The following PLEKHA2 variants were observed in gnomAD, a reference collection of about 807,000 sequenced individuals.
The protein encoded by PLEKHA2 is pleckstrin homology domain-containing family A member 2.
PLEKHA2 carries 28 observed loss-of-function variants against 53.2 expected under a neutral mutation model. The observed-to-expected ratio is 0.53, with a 90% CI of 0.39 to 0.72. PLEKHA2 has a LOEUF of 0.72. PLEKHA2 is among the 30% of genes least tolerant of loss of function. The probability of loss-of-function intolerance (pLI) is 0.00; values close to 1 mark genes in which losing one functional copy is unlikely to be tolerated. For missense variants in PLEKHA2, 426 were observed against 537.9 expected (o/e 0.79, Z 2.06); for synonymous variants, 193 against 196.4 (o/e 0.98, Z 0.14).
chr8:38,934,498 A>G (rs1408538321), intron 2 of PLEKHA2, among the ~76,000 whole-genome samples: 1 of 152,000 alleles, frequency 6.6e-6, no homozygotes, highest in Non-Finnish European at 1.5e-5. Flanking sequence ...GCTTTTGGCA[A>G]CAATTTAAGA....
intron 9 of PLEKHA2, among the ~76,000 whole-genome samples, chr8:38,957,052 G>T (rs915207450): frequency 2.0e-5 from 3 of 152,160 alleles, no homozygotes; most frequent in African/African-American, 7.2e-5. Flanking sequence ...AGGAGGTTTT[G>T]GAGGGAAAGG....
At chr8:38,953,708 G>A (rs1411144284) in intron 9 of PLEKHA2, among the ~76,000 whole-genome samples, 3 of 152,262 alleles carry the variant, frequency 2.0e-5, no homozygotes, top group Admixed American at 1.3e-4. Context: ...CAGAACACAG[G>A]CTCAGAGGAG....
In PLEKHA2 at chr8:38,903,382, T is replaced by G. The variant is rs187239300; in HGVS notation, c.-24+1937T>G. The stretch of plus-strand genomic sequence containing the variant: ...TTGGTGAAGAGTTTTTGCAACCCTT[T>G]CTTTTTCCTTGTCATTGGTGCTTTC... On this transcript the variant is annotated intron_variant, in intron 1 of 11. Transcript: ENST00000617275. Among the ~76,000 whole-genome samples, 176 of 152,356 alleles carry G rather than the reference T, an allele frequency of 1.2e-3. 1 individual carries two copies. Among genetic ancestry groups the G allele is most frequent in the Non-Finnish European group, 1.9e-3 (129 of 68,030 alleles).
At chr8:38,919,580 C>A (rs956467822) in intron 2 of PLEKHA2, among the ~76,000 whole-genome samples, 6 of 152,276 alleles carry the variant, frequency 3.9e-5, no homozygotes, top group Admixed American at 3.9e-4. Context: ...TGGAGTTATG[C>A]TTTAAGATGC....
At chr8:38,923,247 T>C (rs1834224635) in intron 2 of PLEKHA2, among the ~76,000 whole-genome samples, 2 of 152,328 alleles carry the variant, frequency 1.3e-5, no homozygotes, top group Admixed American at 1.3e-4. Context: ...GTTCTCATGC[T>C]GCAGAGATAA....
In PLEKHA2 at chr8:38,969,684, C is replaced by T. The variant is rs373824036; in HGVS notation, c.1179C>T (p.Pro393=). The change falls in exon 12 of 12, where the codon CCC becomes CCT. Residue 393 remains proline, a synonymous_variant. Coordinates refer to ENST00000617275, the MANE Select transcript of PLEKHA2 (RefSeq NM_021623.2). The part of the protein sequence containing the change: ...PGEGSAPGVL[P]SSRIRHRSEP... ...AGGGCAGCGCTCCTGGGGTGCTGCC[C>T]AGCTCCCGGATAAGGCACAGATCGG... The T allele has an allele frequency of 1.9e-4, 294 of 1,578,352 alleles. 1 individual carries two copies. The highest frequency in any genetic ancestry group is 2.3e-4 in the Non-Finnish European group (273 of 1,162,362).
At chr8:38,915,836 T>G (rs759231545) in intron 1 of PLEKHA2, among the ~76,000 whole-genome samples, 2 of 152,184 alleles carry the variant, frequency 1.3e-5, no homozygotes, top group Non-Finnish European at 2.9e-5. Flanking sequence ...AAATTTTTTA[T>G]GTTTAATTTT....
At chr8:38,935,176 G>T (rs981039638) in intron 2 of PLEKHA2, among the ~76,000 whole-genome samples, 4 of 151,964 alleles carry the variant, frequency 2.6e-5, no homozygotes, top group Admixed American at 2.6e-4. Context: ...ACCAAGCCCG[G>T]CTCTATATTT....
At chr8:38,964,591 G>T (rs528523214) in intron 10 of PLEKHA2, among the ~76,000 whole-genome samples, 1 of 152,128 alleles carries the variant, frequency 6.6e-6, no homozygotes, top group South Asian at 2.1e-4. Context: ...TGCTGAAAAG[G>T]TTGATGACCA....
chr8:38,920,613 C>T (rs1834168451), intron 2 of PLEKHA2, among the ~76,000 whole-genome samples: 1 of 150,950 alleles, frequency 6.6e-6, no homozygotes, highest in Non-Finnish European at 1.5e-5. Flanking sequence ...ACTCCGTTGC[C>T]CAGGCTGGAG....
chr8:38,940,651 G>C lies in PLEKHA2; in HGVS notation c.199-3138G>C, dbSNP rs1400681929. On this transcript the variant is annotated intron_variant, in intron 3 of 11. Coordinates refer to ENST00000617275, the MANE Select transcript of PLEKHA2 (RefSeq NM_021623.2). Reference sequence around the variant, plus strand: ...ATGCCGTGGTCCAGATTGAAGGGGCGGGGGGGGGGGGTCAGAAACCCAGGA... The same window carrying C: ...ATGCCGTGGTCCAGATTGAAGGGGCCGGGGGGGGGGGTCAGAAACCCAGGA... Among the ~76,000 whole-genome samples, 14 of 12,326 alleles carry C rather than the reference G, an allele frequency of 1.1e-3. 1 individual carries two copies. The highest frequency in any genetic ancestry group is 2.2e-3 in the African/African-American group (8 of 3,598). The allele number at this position is 12,326 out of a possible 152,430, so 8.1% of individuals were successfully genotyped here.
At chr8:38,968,217 A>G (rs1190701837) in intron 10 of PLEKHA2, among the ~76,000 whole-genome samples, 9 of 152,208 alleles carry the variant, frequency 5.9e-5, no homozygotes, top group Admixed American at 2.6e-4. Context: ...TCTACCAGCC[A>G]TAAACCTTGG....
intron 4 of PLEKHA2, 90 bp downstream of exon 4, chr8:38,943,927 T>C: frequency 2.8e-6 from 3 of 1,088,090 alleles, no homozygotes; most frequent in Non-Finnish European, 3.9e-6. Flanking sequence ...CACATGTGAC[T>C]ATACCCTGTG....
At position 38,957,398 on chromosome 8, in the gene PLEKHA2, C is replaced by G. The variant is rs1353667252; in HGVS notation, c.837+12C>G. On this transcript the variant is annotated intron_variant, in intron 10 of 11. Transcript: ENST00000617275. ...CCTTCTACGTACAGGTAAAATGCTC[C>G]CTTCCAGAAGACTCCAGCATTCTGT... 6.2e-7 allele frequency: 1 copy of G among 1,606,236 alleles called. No homozygotes were observed. Among genetic ancestry groups the G allele is most frequent in the Non-Finnish European group, 8.5e-7 (1 of 1,173,164 alleles).
At chr8:38,918,907 C>A (rs1414790463) in intron 2 of PLEKHA2, among the ~76,000 whole-genome samples, 1 of 152,214 alleles carries the variant, frequency 6.6e-6, no homozygotes, top group Non-Finnish European at 1.5e-5. Context: ...CACGCAGACA[C>A]CAGCCAGGAT....
chr8:38,933,315 A>T (rs1296417729), intron 2 of PLEKHA2, among the ~76,000 whole-genome samples: 1 of 152,164 alleles, frequency 6.6e-6, no homozygotes, highest in East Asian at 1.9e-4. Flanking sequence ...CCACCCTATG[A>T]AACAGGGTTT....
In PLEKHA2 at chr8:38,957,254, CT is replaced by C. The variant is rs372187088; in HGVS notation, c.774-67del. On this transcript the variant is annotated intron_variant, in intron 9 of 11. Coordinates refer to ENST00000617275, the MANE Select transcript of PLEKHA2 (RefSeq NM_021623.2). Reference sequence around the variant, plus strand: ...TTTTTATGGTAGAGGGCACTGGGGTCTTAGGACATATCGAGTCCTCTCTGAG... The same window carrying C: ...TTTTTATGGTAGAGGGCACTGGGGTCTAGGACATATCGAGTCCTCTCTGAG... 1.9e-3 allele frequency: 2,496 copies of C among 1,301,212 alleles called. 38 individuals carry two copies. In the African/African-American group the frequency reaches 0.032, roughly 17 times the overall value. 80.6% of individuals were successfully genotyped at this position (1,301,212 alleles called of 1,614,324 possible).
chr8:38,953,318 A>G lies in PLEKHA2; in HGVS notation c.724A>G (p.Ile242Val), dbSNP rs1178913737. ...CCAGGACCGAGAACCACTGCGCACCATATTTCTTAAGGATGTTCTGAAGAC... is the reference window on the plus strand; with the variant it reads ...CCAGGACCGAGAACCACTGCGCACCGTATTTCTTAAGGATGTTCTGAAGAC... ...CEQDREPLRTIFLKDVLKTHE... is the reference protein window; with the variant it reads ...CEQDREPLRTVFLKDVLKTHE... The change falls in exon 9 of 12, where the codon ATA becomes GTA. Residue 242 changes from isoleucine to valine, a missense_variant. Ile to Val is a conservative substitution (Grantham distance 29, BLOSUM62 3). Coordinates refer to ENST00000617275, the MANE Select transcript of PLEKHA2 (RefSeq NM_021623.2). The G allele has an allele frequency of 6.2e-7, 1 of 1,613,334 alleles. No homozygotes were observed. The highest frequency in any genetic ancestry group is 8.5e-7 in the Non-Finnish European group (1 of 1,179,326).
intron 3 of PLEKHA2, among the ~76,000 whole-genome samples, chr8:38,939,922 C>G (rs957781786): frequency 2.0e-5 from 3 of 151,310 alleles, no homozygotes; most frequent in Admixed American, 2.0e-4. Context: ...CCTGTCTCTA[C>G]AAAAAAAATT....
Sources: gnomAD v4.1 joint callset for allele counts (sites outside exome capture counted in the v4.1 genomes callset) on GRCh38, gnomAD v4.1.1 for gene constraint, MANE v1.5 for transcripts, NCBI Gene and HGNC (gene_info 2026-07-23, HGNC 2026-07-21) for gene names.